CHD1L: variants seen among roughly 807,000 people sequenced by gnomAD.
CHD1L encodes chromodomain helicase DNA binding protein 1 like, also known as ATP-dependent chromatin remodeler CHD1L.
A neutral mutation model predicts 115.9 loss-of-function variants in CHD1L; 118 were observed. That is an observed-to-expected ratio of 1.02 (90% confidence interval 0.88 to 1.19). The LOEUF is 1.19. Ranked by LOEUF, CHD1L falls within the 50% of genes most tolerant of loss-of-function variation. The pLI, the probability that CHD1L is intolerant of heterozygous loss-of-function variation, is 0.00. For synonymous variants in CHD1L, 411 were observed against 387.1 expected, an observed-to-expected ratio of 1.06 and a Z score of -0.72; for missense variants, 1,179 against 1,065.3, an observed-to-expected ratio of 1.11 and a Z score of -1.49.
the CHD1L span, among the ~76,000 whole-genome samples, chr1:147,229,290 G>C: frequency 6.6e-6 from 1 of 152,036 alleles, no homozygotes; most frequent in African/African-American, 2.4e-5. Flanking sequence ...TCTTGTTTTT[G>C]TGAGGTTTGT....
chr1:147,264,077 C>G (rs587622686), intron 6 of CHD1L, among the ~76,000 whole-genome samples: 3 of 152,318 alleles, frequency 2.0e-5, no homozygotes, highest in Admixed American at 2.0e-4. Context: ...GACTCCCCGA[C>G]ACAGGCAGTA....
chr1:147,233,378 G>T, the CHD1L span, among the ~76,000 whole-genome samples: 1 of 150,762 alleles, frequency 6.6e-6, no homozygotes, highest in Non-Finnish European at 1.5e-5. Flanking sequence ...GGAGGTGGGG[G>T]GTCAGCCCCC....
At chr1:147,211,955 C>T in the CHD1L span, among the ~76,000 whole-genome samples, 2 of 152,162 alleles carry the variant, frequency 1.3e-5, no homozygotes, top group Admixed American at 6.5e-5. Flanking sequence ...AAGCACCATC[C>T]TATGAGTGAA....
chr1:147,294,850 G>A (rs1686955811), intron 22 of CHD1L, among the ~76,000 whole-genome samples: 1 of 152,150 alleles, frequency 6.6e-6, no homozygotes, highest in Admixed American at 6.5e-5. Flanking sequence ...TGTGGAACAA[G>A]GCTTAATTCT....
the CHD1L span, among the ~76,000 whole-genome samples, chr1:147,194,450 A>T: frequency 2.6e-5 from 4 of 152,034 alleles, no homozygotes; most frequent in South Asian, 8.3e-4. Flanking sequence ...TTGGGTCTTG[A>T]CTCTTTATCC....
upstream of CHD1L, chr1:147,242,547 T>C (rs2102191216): frequency 2.7e-6 from 2 of 744,358 alleles, no homozygotes; most frequent in Non-Finnish European, 3.7e-6. Context: ...GAAGGGTGAC[T>C]GCACCAGCTC....
At chr1:147,204,708 T>A in the CHD1L span, 44,761 of 1,533,192 alleles carry the variant, frequency 0.029, 1,033 homozygotes, top group South Asian at 0.088. Flanking sequence ...GTACTTCTAG[T>A]TCTCTTAAAA....
In CHD1L at chr1:147,280,060, T is replaced by C; in HGVS notation, c.1574T>C (p.Leu525Pro). The change falls in exon 15 of 23, where the codon CTG becomes CCG. Residue 525 changes from leucine to proline, a missense_variant. Leu to Pro is a moderately conservative substitution (Grantham distance 98). Transcript: ENST00000369258. ...SEILKFGLDK[L>P]LASEGSTMDE... ...ATACTCAAATTTGGTTTGGATAAAC[T>C]GCTGGCCTCTGAGGGGAGCACCATG... The C allele has an allele frequency of 6.2e-7, 1 of 1,614,128 alleles. No individual in the cohort carries two copies. Among genetic ancestry groups the C allele is most frequent in the Non-Finnish European group, 8.5e-7 (1 of 1,180,032 alleles).
the CHD1L span, chr1:147,224,034 C>A: frequency 2.4e-6 from 1 of 413,632 alleles, no homozygotes; most frequent in Non-Finnish European, 4.8e-6. Flanking sequence ...GCACACGATG[C>A]GGATCCCATC....
intron 11 of CHD1L, 122 bp from the exon 12 acceptor site, chr1:147,272,049 G>A (rs199959038): frequency 1.5e-6 from 1 of 650,584 alleles, no homozygotes; most frequent in Middle Eastern, 3.1e-4. Flanking sequence ...TTTGCTTAAA[G>A]TAGGGCTGTG....
chr1:147,283,790 CAG>C (rs1681905344), intron 15 of CHD1L, among the ~76,000 whole-genome samples: 2 of 152,168 alleles, frequency 1.3e-5, no homozygotes, highest in Non-Finnish European at 2.9e-5. Context: ...GTGAGAATTA[CAG>C]AGTCCCTTAA....
chr1:147,255,570 C>T (rs1553939616), intron 3 of CHD1L, among the ~76,000 whole-genome samples: 2 of 152,072 alleles, frequency 1.3e-5, no homozygotes, highest in African/African-American at 4.8e-5. Context: ...TGGAAGAGAT[C>T]GTTTTATTTT....
intron 14 of CHD1L, among the ~76,000 whole-genome samples, chr1:147,278,699 T>C (rs1323402347): frequency 6.6e-6 from 1 of 152,088 alleles, no homozygotes; most frequent in Non-Finnish European, 1.5e-5. Context: ...TGAACACTTA[T>C]TGGATACTGT....
At chr1:147,275,903 T>C (rs1678248021) in intron 13 of CHD1L, among the ~76,000 whole-genome samples, 1 of 152,208 alleles carries the variant, frequency 6.6e-6, no homozygotes, top group South Asian at 2.1e-4. Context: ...ATTCTTTCTT[T>C]GACTGTCTGG....
chr1:147,256,211 A>C (rs1354456856), intron 4 of CHD1L, among the ~76,000 whole-genome samples: 1 of 152,186 alleles, frequency 6.6e-6, no homozygotes, highest in Admixed American at 6.5e-5. Context: ...TCAGGCAGGC[A>C]GGCAGGGGAA....
In CHD1L at chr1:147,294,956, G is replaced by A. The variant is rs368131693; in HGVS notation, c.2615+439G>A. ...CTTTTTGATGTATTGTTAAAAAGCAGTATGAAATTTATTTTAACCATGAAG... is the reference window on the plus strand; with the variant it reads ...CTTTTTGATGTATTGTTAAAAAGCAATATGAAATTTATTTTAACCATGAAG... On this transcript the variant is annotated intron_variant, in intron 22 of 22. Coordinates refer to ENST00000369258, the MANE Select transcript of CHD1L (RefSeq NM_004284.6). Among the ~76,000 whole-genome samples the A allele has an allele frequency of 6.4e-4, 98 of 152,308 alleles. 1 individual carries two copies. The highest frequency in any genetic ancestry group is 2.2e-3 in the African/African-American group (93 of 41,562).
At chr1:147,203,393 G>T in the CHD1L span, 3 of 998,488 alleles carry the variant, frequency 3.0e-6, no homozygotes, top group South Asian at 2.6e-5. Context: ...TTAGCAGCGA[G>T]TTTGATAGAC....
chr1:147,280,530 C>T (rs1305123134), intron 15 of CHD1L, among the ~76,000 whole-genome samples: 1 of 152,172 alleles, frequency 6.6e-6, no homozygotes, highest in Non-Finnish European at 1.5e-5. Flanking sequence ...TGGTATGATG[C>T]TTTGCACATA....
the CHD1L span, among the ~76,000 whole-genome samples, chr1:147,194,023 CT>C: frequency 3.9e-5 from 6 of 152,098 alleles, no homozygotes; most frequent in African/African-American, 1.5e-4. Flanking sequence ...TCTATTAGGT[CT>C]GCTTGGTGCA....
Sources: allele counts gnomAD v4.1 joint callset (sites outside exome capture counted in the v4.1 genomes callset), GRCh38; gene constraint gnomAD v4.1.1; transcripts MANE v1.5; gene names NCBI Gene and HGNC (gene_info 2026-07-23, HGNC 2026-07-21).